Variants in ARHGAP32 observed in about 807,000 individuals in gnomAD.
The protein encoded by ARHGAP32 is Rho GTPase activating protein 32.
In ARHGAP32, 51 loss-of-function variants were observed where a neutral mutation model predicts 186.5. That is an observed-to-expected ratio of 0.27 (90% CI 0.22 to 0.35). The LOEUF (loss-of-function observed/expected upper bound fraction) is 0.35. Among genes scored for constraint, ARHGAP32 ranks in the 10% least tolerant of loss-of-function variants. The probability of loss-of-function intolerance (pLI) is 1.00; values close to 1 mark genes in which losing one functional copy is unlikely to be tolerated. For missense variants in ARHGAP32, 2,186 were observed against 2,623.5 expected (o/e 0.83, Z 3.64); for synonymous variants, 950 against 964.3 (o/e 0.99, Z 0.27).
chr11:128,979,579 A>C lies in ARHGAP32; in HGVS notation c.1977-664T>G, dbSNP rs147079390. ...TACTCCATAAATAAATCTTTGAGTAAATTATGGAACTAGAATATAAAATCA... is the reference window on the plus strand; with the variant it reads ...TACTCCATAAATAAATCTTTGAGTACATTATGGAACTAGAATATAAAATCA... On this transcript the variant is annotated intron_variant, in intron 18 of 22. Transcript: ENST00000682385. Among the ~76,000 whole-genome samples, 805 of 152,312 alleles carry C rather than the reference A, an allele frequency of 5.3e-3. 13 individuals carry two copies. The highest frequency in any genetic ancestry group is 0.018 in the African/African-American group (762 of 41,560).
intron 1 of ARHGAP32, 43 bp downstream of exon 1, chr11:129,192,040 T>C (rs376878086): frequency 5.8e-6 from 8 of 1,387,498 alleles, no homozygotes; most frequent in Non-Finnish European, 7.2e-6. Flanking sequence ...CGGGTGGGGG[T>C]AGGGAGTGGA....
intron 1 of ARHGAP32, among the ~76,000 whole-genome samples, chr11:129,179,419 T>A (rs1406545241): frequency 2.0e-5 from 3 of 152,176 alleles, no homozygotes; most frequent in Non-Finnish European, 4.4e-5. Context: ...AGAAATACCA[T>A]TTGACCCAGC....
intron 6 of ARHGAP32, among the ~76,000 whole-genome samples, chr11:129,073,059 G>A (rs965683649): frequency 1.3e-5 from 2 of 152,162 alleles, no homozygotes; most frequent in African/African-American, 4.8e-5. Context: ...GAAGTTCACA[G>A]TTCAGAGGCA....
intron 19 of ARHGAP32, 95 bp downstream of exon 19, chr11:128,978,675 A>G (rs1945621704): frequency 1.5e-6 from 2 of 1,306,428 alleles, no homozygotes; most frequent in Non-Finnish European, 2.1e-6. Flanking sequence ...TGAACACGTT[A>G]TGGAAGCAGA....
At chr11:129,129,102 G>A (rs11221570) in intron 2 of ARHGAP32, among the ~76,000 whole-genome samples, 26,748 of 147,422 alleles carry the variant, frequency 0.18, 2,183 homozygotes, top group Non-Finnish European at 0.21. Context: ...TGTGAAGGGC[G>A]CCTCTGCCCG....
chr11:129,140,128 C>T (rs1943021208), intron 2 of ARHGAP32, among the ~76,000 whole-genome samples: 1 of 152,132 alleles, frequency 6.6e-6, no homozygotes, highest in Non-Finnish European at 1.5e-5. Context: ...TTTGAAGCAC[C>T]AAGTACCACC....
chr11:129,078,420 G>C (rs1214687191), intron 6 of ARHGAP32, among the ~76,000 whole-genome samples: 1 of 152,164 alleles, frequency 6.6e-6, no homozygotes, highest in Admixed American at 6.5e-5. Flanking sequence ...AAAAGATCAC[G>C]TCAGCTCACC....
chr11:129,039,986 A>G (rs928190825), intron 11 of ARHGAP32, among the ~76,000 whole-genome samples: 7 of 152,212 alleles, frequency 4.6e-5, no homozygotes, highest in Non-Finnish European at 7.4e-5. Context: ...AATGGGAACA[A>G]TGATTCCCTA....
chr11:129,189,008 G>A (rs1274688274), intron 1 of ARHGAP32, among the ~76,000 whole-genome samples: 1 of 152,002 alleles, frequency 6.6e-6, no homozygotes, highest in East Asian at 1.9e-4. Flanking sequence ...TGATTCCTAG[G>A]TGTCCTAGAG....
Position 129,040,976 on chromosome 11 carries a change from T to C in ARHGAP32, c.997A>G (p.Ile333Val). The C allele has an allele frequency of 1.9e-6, 3 of 1,605,270 alleles. No homozygotes were observed. The highest frequency in any genetic ancestry group is 2.6e-6 in the Non-Finnish European group (3 of 1,175,640). Residue 333 changes from isoleucine (I) to valine (V), a missense_variant, in exon 11 of 23, where the codon ATT (isoleucine) becomes GTT (valine). Transcript: ENST00000682385. ...GLFPGHCVEL[I>V]NQKVPQSVTN... ...ACTGACTGGGGAACTTTTTGGTTAA[T>C]TAACTCAACACAGTGTCCAGGGAAG...
At chr11:129,072,149 A>G (rs1384775658) in intron 6 of ARHGAP32, among the ~76,000 whole-genome samples, 1 of 152,180 alleles carries the variant, frequency 6.6e-6, no homozygotes, top group African/African-American at 2.4e-5. Flanking sequence ...TAACTTCAGA[A>G]TATGAATCAC....
At position 129,013,252 on chromosome 11, in the gene ARHGAP32, G is replaced by C. The variant is rs576668447; in HGVS notation, c.1046-14784C>G. Among the ~76,000 whole-genome samples the C allele has an allele frequency of 2.6e-5, 4 of 152,300 alleles. No homozygotes were observed. In the East Asian group the frequency reaches 7.7e-4, roughly 29 times the overall value. On this transcript the variant is annotated intron_variant, in intron 11 of 22. Transcript: ENST00000682385. ...GCTCTGGGAAACTGTGCTGACATAC[G>C]TGCAGCTCTGGCTTCTACTCTGAAT...
At chr11:129,019,950 T>C (rs933477418) in intron 11 of ARHGAP32, among the ~76,000 whole-genome samples, 2 of 152,056 alleles carry the variant, frequency 1.3e-5, no homozygotes, top group African/African-American at 4.8e-5. Flanking sequence ...TATAAGATTT[T>C]AGAAAAGGAA....
intron 11 of ARHGAP32, among the ~76,000 whole-genome samples, chr11:129,039,756 C>T (rs906797017): frequency 1.3e-5 from 2 of 151,952 alleles, no homozygotes; most frequent in African/African-American, 2.4e-5. Flanking sequence ...AAAATAACGC[C>T]GTATTTTTAA....
intron 5 of ARHGAP32, among the ~76,000 whole-genome samples, chr11:129,103,068 C>T (rs978264156): frequency 6.6e-6 from 1 of 152,046 alleles, no homozygotes; most frequent in Non-Finnish European, 1.5e-5. Flanking sequence ...TCAGCCTCAG[C>T]CTTTAAAAAG....
chr11:129,106,843 G>A (rs1387272169), intron 5 of ARHGAP32, among the ~76,000 whole-genome samples: 1 of 152,116 alleles, frequency 6.6e-6, no homozygotes, highest in Non-Finnish European at 1.5e-5. Context: ...AAAAACCTAT[G>A]AGACCCATCA....
intron 1 of ARHGAP32, among the ~76,000 whole-genome samples, chr11:129,208,789 A>C (rs1207242017): frequency 6.6e-6 from 1 of 151,978 alleles, no homozygotes; most frequent in Non-Finnish European, 1.5e-5. Flanking sequence ...ATCGCAGTTT[A>C]CTATTTTCAA....
chr11:129,231,711 A>T (rs185200135), intron 1 of ARHGAP32, among the ~76,000 whole-genome samples: 2 of 152,222 alleles, frequency 1.3e-5, no homozygotes, highest in East Asian at 1.9e-4. Flanking sequence ...GGGCCATCCC[A>T]ATTCAGAATT....
At chr11:129,258,118 T>C (rs764788581) in intron 1 of ARHGAP32, among the ~76,000 whole-genome samples, 12 of 152,246 alleles carry the variant, frequency 7.9e-5, no homozygotes, top group Non-Finnish European at 1.3e-4. Context: ...ACTAATGTTA[T>C]ATGGCAATTT....
Sources: gnomAD v4.1 joint callset for allele counts (sites outside exome capture counted in the v4.1 genomes callset) on GRCh38, gnomAD v4.1.1 for gene constraint, MANE v1.5 for transcripts, NCBI Gene and HGNC (gene_info 2026-07-23, HGNC 2026-07-21) for gene names.